RALGAPA1: variants seen among roughly 807,000 people sequenced by gnomAD.
The protein encoded by RALGAPA1 is ral GTPase-activating protein subunit alpha-1.
A neutral mutation model predicts 269.6 loss-of-function variants in RALGAPA1; 52 were observed. The observed-to-expected ratio is 0.19, with a 90% CI of 0.15 to 0.24. RALGAPA1 has a LOEUF of 0.24. Ranked by LOEUF, RALGAPA1 falls within the 10% of genes least tolerant of loss-of-function variation. The probability of loss-of-function intolerance (pLI) is 1.00; values close to 1 mark genes in which losing one functional copy is unlikely to be tolerated. For missense variants in RALGAPA1, 1,917 were observed against 3,013.9 expected (o/e 0.64, Z 8.52); for synonymous variants, 817 against 1,008.3 (o/e 0.81, Z 3.60).
chr14:35,646,728 C>T (rs898984849), intron 31 of RALGAPA1, among the ~76,000 whole-genome samples: 8 of 152,082 alleles, frequency 5.3e-5, no homozygotes, highest in Non-Finnish European at 8.8e-5. Flanking sequence ...AAATGTATCA[C>T]TAATACTAAT....
intron 3 of RALGAPA1, among the ~76,000 whole-genome samples, chr14:35,773,116 T>A (rs1241292627): frequency 2.0e-5 from 3 of 152,186 alleles, no homozygotes; most frequent in Non-Finnish European, 4.4e-5. Flanking sequence ...TTCAAAAGCA[T>A]TTCTAAATTA....
chr14:35,561,206 G>T (rs1347318569), intron 39 of RALGAPA1, among the ~76,000 whole-genome samples: 1 of 62,042 alleles, frequency 1.6e-5, no homozygotes, highest in South Asian at 5.5e-4. Flanking sequence ...CAGCCTGGGG[G>T]AAACAGCAAA....
chr14:35,786,985 T>C (rs924676473), intron 1 of RALGAPA1, among the ~76,000 whole-genome samples: 35 of 152,334 alleles, frequency 2.3e-4, no homozygotes, highest in African/African-American at 7.9e-4. Context: ...TTCTATCTAT[T>C]GAAATTTTAA....
Position 35,678,933 on chromosome 14 carries a change from A to T in RALGAPA1, c.4472-831T>A, listed in dbSNP as rs116503357. Among the ~76,000 whole-genome samples the T allele has an allele frequency of 6.2e-3, 950 of 152,236 alleles. 15 individuals carry two copies. The highest frequency in any genetic ancestry group is 0.022 in the African/African-American group (900 of 41,526). On this transcript the variant is annotated intron_variant, in intron 21 of 41. Coordinates refer to ENST00000680220, the MANE Select transcript of RALGAPA1 (RefSeq NM_001346249.2). The stretch of plus-strand genomic sequence containing the variant: ...TACAGAGTCTCTGCTAGATGCTCTC[A>T]CTGAACCCTGCACCTCTCTATTATA...
chr14:35,731,568 A>G (rs554009619), intron 12 of RALGAPA1, among the ~76,000 whole-genome samples: 1 of 152,356 alleles, frequency 6.6e-6, no homozygotes, highest in South Asian at 2.1e-4. Context: ...AACACTGGAC[A>G]TACTTATAGA....
Position 35,546,044 on chromosome 14 carries a change from G to A in RALGAPA1, c.*23+2464C>T, listed in dbSNP as rs189248560. Among the ~76,000 whole-genome samples, 498 of 152,092 alleles carry A rather than the reference G, an allele frequency of 3.3e-3. 1 individual carries two copies. Among genetic ancestry groups the A allele is most frequent in the African/African-American group, 0.011 (459 of 41,478 alleles). On this transcript the variant is annotated intron_variant, in intron 41 of 41. Transcript: ENST00000680220. ...AAGAAAAATCTAATAATATTTTAAC[G>A]TAGTTATGAAAGATCAACAAAGTGT...
intron 10 of RALGAPA1, among the ~76,000 whole-genome samples, chr14:35,746,321 T>C (rs1487706669): frequency 1.3e-5 from 2 of 152,184 alleles, no homozygotes; most frequent in African/African-American, 4.8e-5. Flanking sequence ...GAACAGGTTC[T>C]GGATATCTAG....
At chr14:35,703,184 A>C (rs1197072598) in intron 16 of RALGAPA1, among the ~76,000 whole-genome samples, 1 of 152,118 alleles carries the variant, frequency 6.6e-6, no homozygotes. Context: ...TTAAAAATGT[A>C]CCCCTTGGCT....
At chr14:35,629,103 A>C (rs1017728101) in intron 33 of RALGAPA1, among the ~76,000 whole-genome samples, 2 of 152,172 alleles carry the variant, frequency 1.3e-5, no homozygotes, top group Non-Finnish European at 2.9e-5. Flanking sequence ...CGCCATTCTA[A>C]GGAGGGCTAA....
intron 23 of RALGAPA1, 72 bp from the exon 24 acceptor site, chr14:35,674,350 T>G: frequency 2.2e-6 from 3 of 1,376,844 alleles, no homozygotes; most frequent in Middle Eastern, 1.8e-4. Flanking sequence ...TAAACTGAAT[T>G]TCAAATCCAG....
chr14:35,745,805 C>T (rs1339718051), intron 10 of RALGAPA1, among the ~76,000 whole-genome samples: 1 of 149,034 alleles, frequency 6.7e-6, no homozygotes, highest in East Asian at 2.0e-4. Context: ...AATCCTAGGG[C>T]CAGGCACAGT....
At chr14:35,640,942 T>A (rs2061987628) in intron 31 of RALGAPA1, among the ~76,000 whole-genome samples, 1 of 126,834 alleles carries the variant, frequency 7.9e-6, no homozygotes, top group African/African-American at 4.4e-5. Flanking sequence ...AATCAATCAA[T>A]GTGATACATT....
intron 16 of RALGAPA1, among the ~76,000 whole-genome samples, chr14:35,702,726 A>AT (rs55963758): frequency 0.14 from 20,433 of 143,336 alleles, 2,440 homozygotes; most frequent in African/African-American, 0.32. Flanking sequence ...AAAAAAAAAA[A>AT]ATATATATAT....
intron 37 of RALGAPA1, among the ~76,000 whole-genome samples, chr14:35,577,779 C>T (rs576041934): frequency 1.8e-4 from 28 of 152,268 alleles, no homozygotes; most frequent in Admixed American, 3.9e-4. Flanking sequence ...ATCAATTTAT[C>T]TTCCTGACTT....
chr14:35,795,625 C>A (rs1244370077), intron 1 of RALGAPA1, among the ~76,000 whole-genome samples: 3 of 151,902 alleles, frequency 2.0e-5, no homozygotes, highest in Non-Finnish European at 4.4e-5. Flanking sequence ...AAAGCAAGAC[C>A]CAAAATAATA....
In RALGAPA1 at chr14:35,539,289, G is replaced by A. The variant is rs2053757075; in HGVS notation, c.*425C>T. 3.8e-6 allele frequency: 1 copy of A among 261,760 alleles called. No homozygotes were observed. Among genetic ancestry groups the A allele is most frequent in the African/African-American group, 2.2e-5 (1 of 45,052 alleles). The allele number at this position is 261,760 out of a possible 1,614,324, so 16.2% of individuals were successfully genotyped here. ...AGACATAATTATCTAGGAAGGTAAA[G>A]GGTGTAGAATAAAACTCCCCCTGCC... is the stretch of plus-strand genomic sequence containing the variant. On this transcript the variant is annotated 3_prime_UTR_variant, in exon 42 of 42. Transcript: ENST00000680220.
intron 31 of RALGAPA1, among the ~76,000 whole-genome samples, chr14:35,645,631 T>G (rs2062379524): frequency 6.8e-6 from 1 of 147,544 alleles, no homozygotes; most frequent in African/African-American, 2.5e-5. Context: ...CTCGGGAGGC[T>G]GGGCAGGAGA....
intron 28 of RALGAPA1, 45 bp from the exon 29 acceptor site, chr14:35,655,960 C>T (rs2063149290): frequency 6.2e-7 from 1 of 1,610,312 alleles, no homozygotes; most frequent in East Asian, 2.2e-5. Flanking sequence ...ATGAAACCAC[C>T]ACCACAAACA....
intron 39 of RALGAPA1, among the ~76,000 whole-genome samples, chr14:35,561,262 A>T (rs1303969966): frequency 1.3e-5 from 2 of 150,390 alleles, no homozygotes; most frequent in East Asian, 3.9e-4. Context: ...ATACAGTAAC[A>T]TCATCAACAG....
Sources: allele counts gnomAD v4.1 joint callset (sites outside exome capture counted in the v4.1 genomes callset), GRCh38; gene constraint gnomAD v4.1.1; transcripts MANE v1.5; gene names NCBI Gene and HGNC (gene_info 2026-07-23, HGNC 2026-07-21).